The following KCNMA1 variants were observed in gnomAD, a reference collection of about 807,000 sequenced individuals.
KCNMA1 encodes the protein Calcium-activated potassium channel subunit alpha-1.
Under a neutral mutation model 140.0 loss-of-function variants are expected in KCNMA1, and 29 were observed. The ratio of observed to expected loss-of-function variants is 0.21; its 90% CI spans 0.15 to 0.28. The LOEUF (loss-of-function observed/expected upper bound fraction) is 0.28, where lower values mean the gene tolerates loss of function less well. Among genes scored for constraint, KCNMA1 ranks in the 10% least tolerant of loss-of-function variants. The pLI is 1.00. For synonymous variants in KCNMA1, 612 were observed against 611.9 expected, an observed-to-expected ratio of 1.00 and a Z score of 0.00; for missense variants, 880 against 1,602.2, an observed-to-expected ratio of 0.55 and a Z score of 7.70.
intron 1 of KCNMA1, among the ~76,000 whole-genome samples, chr10:77,542,426 T>A (rs1339047234): frequency 4.6e-5 from 7 of 152,108 alleles, no homozygotes; most frequent in Non-Finnish European, 1.0e-4. Context: ...CCACAGAATC[T>A]CAGCACTGGA....
At chr10:77,227,027 G>C (rs1680733002) in intron 3 of KCNMA1, among the ~76,000 whole-genome samples, 1 of 152,162 alleles carries the variant, frequency 6.6e-6, no homozygotes, top group Non-Finnish European at 1.5e-5. Context: ...TATATAAGCT[G>C]ACTTCCCCTT....
chr10:77,068,111 C>T (rs896987087), intron 14 of KCNMA1, among the ~76,000 whole-genome samples: 8 of 152,172 alleles, frequency 5.3e-5, no homozygotes, highest in African/African-American at 1.9e-4. Flanking sequence ...CACACATCCG[C>T]ATGCAGGTTG....
intron 2 of KCNMA1, among the ~76,000 whole-genome samples, chr10:77,365,330 G>C (rs1269681478): frequency 2.0e-5 from 3 of 152,180 alleles, no homozygotes; most frequent in African/African-American, 7.2e-5. Context: ...CCACTCCCAA[G>C]CCTTCAGCAA....
chr10:77,253,005 A>G (rs1227832882), intron 2 of KCNMA1, among the ~76,000 whole-genome samples: 1 of 152,162 alleles, frequency 6.6e-6, no homozygotes, highest in Non-Finnish European at 1.5e-5. Context: ...ATATTCATTC[A>G]TATGTTCCTT....
At chr10:77,363,808 T>C (rs1394845907) in intron 2 of KCNMA1, among the ~76,000 whole-genome samples, 1 of 152,166 alleles carries the variant, frequency 6.6e-6, no homozygotes, top group Non-Finnish European at 1.5e-5. Context: ...AGCTCAAATG[T>C]TGCCTCCTCA....
Position 76,886,511 on chromosome 10 carries a change from T to C in KCNMA1, c.*755A>G. ...AATATGCAATCAAACCTCTTTTCAC[T>C]TAAACTAAATGACTAGAATTTGATA... On this transcript the variant is annotated 3_prime_UTR_variant, in exon 28 of 28. Transcript: ENST00000286628. 1.0e-6 allele frequency: 1 copy of C among 985,146 alleles called. No homozygotes were observed. Among genetic ancestry groups the C allele is most frequent in the Non-Finnish European group, 1.2e-6 (1 of 829,714 alleles). The allele number at this position is 985,146 out of a possible 1,614,324, so 61.0% of individuals were successfully genotyped here.
chr10:77,243,988 T>C lies in KCNMA1; in HGVS notation c.602+7207A>G, dbSNP rs149226670. On this transcript the variant is annotated intron_variant, in intron 3 of 27. Coordinates refer to ENST00000286628, the MANE Select transcript of KCNMA1 (RefSeq NM_001161352.2). ...TCTTTTCCACCTGGGATTATCTTTG[T>C]TCTTTCCCATGGCCCTAAAGTTTCC... is the stretch of plus-strand genomic sequence containing the variant. Among the ~76,000 whole-genome samples, 737 of 152,352 alleles carry C rather than the reference T, an allele frequency of 4.8e-3. 7 individuals carry two copies. The highest frequency in any genetic ancestry group is 0.017 in the African/African-American group (713 of 41,580).
chr10:76,924,376 A>G (rs1024495158), intron 23 of KCNMA1, among the ~76,000 whole-genome samples: 23 of 152,230 alleles, frequency 1.5e-4, no homozygotes, highest in African/African-American at 5.5e-4. Flanking sequence ...TGGAAATAAG[A>G]CAAATATGTC....
intron 25 of KCNMA1, among the ~76,000 whole-genome samples, chr10:76,892,866 T>C (rs2040790207): frequency 6.6e-6 from 1 of 152,206 alleles, no homozygotes; most frequent in Non-Finnish European, 1.5e-5. Context: ...TGATAGTTAC[T>C]AGCGGGGCTG....
chr10:77,416,155 G>A (rs1016106070), intron 1 of KCNMA1, among the ~76,000 whole-genome samples: 1 of 152,112 alleles, frequency 6.6e-6, no homozygotes, highest in African/African-American at 2.4e-5. Context: ...ATAGTGGCCA[G>A]GTTCCCCTCG....
chr10:76,922,333 G>C (rs962038900), intron 23 of KCNMA1, among the ~76,000 whole-genome samples: 1 of 152,208 alleles, frequency 6.6e-6, no homozygotes, highest in African/African-American at 2.4e-5. Flanking sequence ...GATATCTGCT[G>C]TTTTCTGTTC....
rs544106405 is a variant in KCNMA1, at chr10:76,909,996, G to A, written c.3117C>T (p.Ala1039=). Residue 1039 remains alanine (A), a synonymous_variant, in exon 25 of 28, where the codon GCC becomes GCT. Transcript: ENST00000286628. ...TQPFACGTAF[A]VSVLDSLMSA... ...TCATGAGTGAGTCCAGGACACTGAC[G>A]GCAAATGCTGTCCCACAGGCAAAGG... 2.9e-5 allele frequency: 46 copies of A among 1,613,872 alleles called. No homozygotes were observed. The highest frequency in any genetic ancestry group is 3.7e-5 in the Non-Finnish European group (44 of 1,179,928).
At chr10:77,460,877 G>A (rs1395931294) in intron 1 of KCNMA1, among the ~76,000 whole-genome samples, 3 of 152,144 alleles carry the variant, frequency 2.0e-5, no homozygotes, top group African/African-American at 7.2e-5. Context: ...AGGCCGAGGT[G>A]GGCGGATCAC....
intron 2 of KCNMA1, among the ~76,000 whole-genome samples, chr10:77,335,703 T>TACC (rs1236707493): frequency 3.3e-5 from 5 of 152,176 alleles, no homozygotes; most frequent in African/African-American, 1.2e-4. Context: ...TCACTTTATG[T>TACC]ACCCTTTCTC....
chr10:77,043,033 C>CT, intron 14 of KCNMA1, among the ~76,000 whole-genome samples: 1 of 152,290 alleles, frequency 6.6e-6, no homozygotes, highest in East Asian at 1.9e-4. Context: ...TTTTCCATAT[C>CT]TTTTTTCCTG....
chr10:77,555,159 G>C (rs1161063573), intron 1 of KCNMA1, among the ~76,000 whole-genome samples: 2 of 152,174 alleles, frequency 1.3e-5, no homozygotes, highest in Non-Finnish European at 2.9e-5. Context: ...AGGTGGGCTG[G>C]GGAGCTGGGG....
chr10:77,290,716 C>G (rs1051637199), intron 2 of KCNMA1, among the ~76,000 whole-genome samples: 5 of 152,060 alleles, frequency 3.3e-5, no homozygotes, highest in African/African-American at 7.2e-5. Context: ...TTCTGACAAC[C>G]CTGATGGTAC....
intron 2 of KCNMA1, among the ~76,000 whole-genome samples, chr10:77,333,273 G>T (rs2087243819): frequency 3.3e-5 from 5 of 150,938 alleles, no homozygotes. Context: ...GCACATGCCT[G>T]TAAGTCCAGT....
At chr10:77,290,860 G>A (rs2072981069) in intron 2 of KCNMA1, among the ~76,000 whole-genome samples, 1 of 152,184 alleles carries the variant, frequency 6.6e-6, no homozygotes, top group Non-Finnish European at 1.5e-5. Context: ...ATTGCCAAAG[G>A]AGAGGTTAAC....
Sources: allele counts gnomAD v4.1 joint callset (sites outside exome capture counted in the v4.1 genomes callset), GRCh38; gene constraint gnomAD v4.1.1; transcripts MANE v1.5; gene names NCBI Gene and HGNC (gene_info 2026-07-23, HGNC 2026-07-21).